CCDC158: variants seen among roughly 807,000 people sequenced by gnomAD.
CCDC158 encodes coiled-coil domain-containing protein 158.
Under a neutral mutation model 138.6 loss-of-function variants are expected in CCDC158, and 116 were observed. The observed-to-expected ratio is 0.84, with a 90% confidence interval of 0.72 to 0.98. The LOEUF (loss-of-function observed/expected upper bound fraction) is 0.98. CCDC158 is among the 50% of genes least tolerant of loss of function. CCDC158 has a pLI of 0.00. For missense variants in CCDC158, 1,265 were observed against 1,306.1 expected (o/e 0.97, Z 0.48); for synonymous variants, 436 against 442.4 (o/e 0.99, Z 0.18).
Position 76,341,434 on chromosome 4 carries a change from C to A in CCDC158, c.2665-7267G>T, listed in dbSNP as rs577632801. On this transcript the variant is annotated intron_variant, in intron 18 of 24. Coordinates refer to ENST00000682701, the MANE Select transcript of CCDC158 (RefSeq NM_001394954.1). ...AAATGGAATATAAGTATACCATTTA[C>A]ATAATATATTAGGAATAGATGGACA... 2.3e-4 allele frequency among the ~76,000 whole-genome samples: 35 copies of A among 152,218 alleles called. 1 individual carries two copies. The South Asian group carries it at 7.3e-3, about 32-fold the overall frequency.
At chr4:76,344,360 C>G (rs1343256685) in intron 18 of CCDC158, among the ~76,000 whole-genome samples, 1 of 152,174 alleles carries the variant, frequency 6.6e-6, no homozygotes, top group Non-Finnish European at 1.5e-5. Context: ...AGGGAGGACA[C>G]GAACATGTAA....
intron 3 of CCDC158, among the ~76,000 whole-genome samples, chr4:76,402,452 C>T (rs1446042198): frequency 6.6e-6 from 1 of 152,198 alleles, no homozygotes; most frequent in Non-Finnish European, 1.5e-5. Flanking sequence ...CTACCTCTAG[C>T]TTCCATGCCC....
chr4:76,336,861 G>A lies in CCDC158; in HGVS notation c.2665-2694C>T, dbSNP rs115558493. Among the ~76,000 whole-genome samples, 337 of 152,256 alleles carry A rather than the reference G, an allele frequency of 2.2e-3. 4 individuals are homozygous for A. In the East Asian group the frequency reaches 0.044, roughly 20 times the overall value. On this transcript the variant is annotated intron_variant, in intron 18 of 24. Coordinates refer to ENST00000682701, the MANE Select transcript of CCDC158 (RefSeq NM_001394954.1). Reference sequence around the variant, plus strand: ...TTTTTGGTTGCCACACAATAACGCCGACTGAGACTGAGCAGGCAGTCAACT... The same window carrying A: ...TTTTTGGTTGCCACACAATAACGCCAACTGAGACTGAGCAGGCAGTCAACT...
chr4:76,330,553 C>T (rs1056150793), intron 21 of CCDC158, among the ~76,000 whole-genome samples: 15 of 152,100 alleles, frequency 9.9e-5, no homozygotes, highest in Non-Finnish European at 1.5e-5. Context: ...TCCATGGGTT[C>T]TGCAATCACA....
intron 1 of CCDC158, among the ~76,000 whole-genome samples, 121 bp downstream of exon 1, chr4:76,420,844 G>C (rs1312038607): frequency 6.6e-6 from 1 of 152,172 alleles, no homozygotes; most frequent in Non-Finnish European, 1.5e-5. Flanking sequence ...CATCTTCCAT[G>C]TGCAGAACAA....
intron 23 of CCDC158, among the ~76,000 whole-genome samples, chr4:76,324,370 AGAGATGGGGTTTCTCCATGT>A (rs1720331392): frequency 6.6e-6 from 1 of 152,042 alleles, no homozygotes; most frequent in Non-Finnish European, 1.5e-5. Context: ...TATTTTTAAT[AGAGATGGGGTTTCTCCATGT>A]TGGTTAGGCT....
chr4:76,379,663 T>TA (rs1327380173), intron 8 of CCDC158, among the ~76,000 whole-genome samples: 5 of 152,188 alleles, frequency 3.3e-5, no homozygotes, highest in Admixed American at 6.5e-5. Context: ...AATGTCCATA[T>TA]AAAAAGTTTT....
intron 18 of CCDC158, among the ~76,000 whole-genome samples, chr4:76,343,574 G>A (rs1240112670): frequency 1.3e-5 from 2 of 152,202 alleles, no homozygotes; most frequent in African/African-American, 4.8e-5. Flanking sequence ...AAATAGTTTG[G>A]GAGGCCGAGG....
At chr4:76,414,876 G>A (rs1729570274) in intron 1 of CCDC158, among the ~76,000 whole-genome samples, 1 of 152,162 alleles carries the variant, frequency 6.6e-6, no homozygotes, top group African/African-American at 2.4e-5. Flanking sequence ...CGTGAAAACA[G>A]ACTAATACAG....
Position 76,379,288 on chromosome 4 carries a change from A to G in CCDC158, c.1029+2T>C. 1 of 1,583,824 alleles carries G rather than the reference A, an allele frequency of 6.3e-7. No individual in the cohort carries two copies. Among genetic ancestry groups the G allele is most frequent in the Non-Finnish European group, 8.6e-7 (1 of 1,161,986 alleles). On this transcript the variant is annotated splice_donor_variant, in intron 9 of 24. Coordinates refer to ENST00000682701, the MANE Select transcript of CCDC158 (RefSeq NM_001394954.1). LOFTEE classifies it high-confidence loss of function. Reference sequence around the variant, plus strand: ...AAACAGACCAGCAAAACCTAAACTCACCTTGTCTTCATACATCCTTTTGGC... The same window carrying G: ...AAACAGACCAGCAAAACCTAAACTCGCCTTGTCTTCATACATCCTTTTGGC...
chr4:76,374,182 C>A (rs907051332), intron 9 of CCDC158, among the ~76,000 whole-genome samples: 1 of 152,028 alleles, frequency 6.6e-6, no homozygotes, highest in Non-Finnish European at 1.5e-5. Flanking sequence ...ACTTCTTGTG[C>A]TCCTTTTGGG....
Position 76,326,011 on chromosome 4 carries a change from A to G in CCDC158, c.3015T>C (p.Ser1005=). Residue 1005 remains serine, a synonymous_variant, in exon 23 of 25, where the codon AGT becomes AGC. Transcript: ENST00000682701. ...SGCFTFTSAA[S]PSVKNSASRS... ...GAGAAGCTGAGTTTTTCACAGATGG[A>G]CTTGCTAAAAGTTTGCAAGAATAAA... 6.2e-7 allele frequency: 1 copy of G among 1,610,780 alleles called. No individual in the cohort carries two copies. Among genetic ancestry groups the G allele is most frequent in the Non-Finnish European group, 8.5e-7 (1 of 1,178,734 alleles).
At chr4:76,357,675 T>C (rs1723712639) in intron 13 of CCDC158, 149 bp from the exon 14 acceptor site, 2 of 569,150 alleles carry the variant, frequency 3.5e-6, no homozygotes, top group South Asian at 7.0e-5. Flanking sequence ...AGAAATGAGA[T>C]GTACATACAC....
At chr4:76,391,113 G>C (rs1283683125) in intron 4 of CCDC158, among the ~76,000 whole-genome samples, 1 of 151,926 alleles carries the variant, frequency 6.6e-6, no homozygotes, top group Non-Finnish European at 1.5e-5. Flanking sequence ...AACCTAATCT[G>C]TACTATAGAC....
intron 1 of CCDC158, among the ~76,000 whole-genome samples, chr4:76,412,958 A>G (rs1427368391): frequency 6.6e-6 from 1 of 152,154 alleles, no homozygotes; most frequent in East Asian, 1.9e-4. Flanking sequence ...TACAGTCCAA[A>G]CTGACTTAAA....
chr4:76,401,246 C>A, intron 3 of CCDC158: 1 of 414,250 alleles, frequency 2.4e-6, no homozygotes. Context: ...AGCACTCCCA[C>A]AAGCATGGTG....
rs774435291 is a variant in CCDC158 at position 76,383,692 on chromosome 4, A to G, written c.773T>C (p.Ile258Thr). 3 of 1,613,548 alleles carry G rather than the reference A, an allele frequency of 1.9e-6. No homozygotes were observed. Among genetic ancestry groups the G allele is most frequent in the African/African-American group, 2.7e-5 (2 of 74,912 alleles). Reference protein sequence around the residue: ...EALKSESQNKIELLLQQHQDR... With the variant: ...EALKSESQNKTELLLQQHQDR... Reference sequence around the variant, plus strand: ...TTGGTGTTGTTGCAGAAGTAGTTCTATTTTGTTCTGTGATTCAGATTTCAG... The same window carrying G: ...TTGGTGTTGTTGCAGAAGTAGTTCTGTTTTGTTCTGTGATTCAGATTTCAG... Residue 258 changes from isoleucine (I) to threonine (T), a missense_variant, in exon 7 of 25, where the codon ATA becomes ACA. By Grantham distance (89) the Ile-to-Thr change is moderately conservative. Transcript: ENST00000682701.
intron 18 of CCDC158, among the ~76,000 whole-genome samples, chr4:76,342,875 G>A (rs1205969699): frequency 6.6e-6 from 1 of 152,216 alleles, no homozygotes; most frequent in Non-Finnish European, 1.5e-5. Context: ...CGAATTGGAA[G>A]TCTCATGTAT....
At chr4:76,355,202 C>A in intron 15 of CCDC158, 122 bp downstream of exon 15, 1 of 662,452 alleles carries the variant, frequency 1.5e-6, no homozygotes, top group Non-Finnish European at 2.7e-6. Flanking sequence ...CCCTTGTTCT[C>A]TCACCTAGAA....
Sources: allele counts gnomAD v4.1 joint callset (sites outside exome capture counted in the v4.1 genomes callset), GRCh38; gene constraint gnomAD v4.1.1; transcripts MANE v1.5; gene names NCBI Gene and HGNC (gene_info 2026-07-23, HGNC 2026-07-21).